Variants in CNTN5 observed in about 807,000 individuals in gnomAD.
The protein encoded by CNTN5 is contactin 5.
In CNTN5, 77 loss-of-function variants were observed where a neutral mutation model predicts 129.1. That is an observed-to-expected ratio of 0.60 (90% CI 0.50 to 0.72). The LOEUF (loss-of-function observed/expected upper bound fraction) is 0.72. Ranked by LOEUF, CNTN5 falls within the 30% of genes least tolerant of loss-of-function variation. CNTN5 has a pLI of 0.00. For missense variants in CNTN5, 1,478 were observed against 1,328.8 expected, an observed-to-expected ratio of 1.11 and a Z score of -1.75; for synonymous variants, 509 against 465.6, an observed-to-expected ratio of 1.09 and a Z score of -1.20.
intron 1 of CNTN5, among the ~76,000 whole-genome samples, chr11:99,266,961 A>T (rs927073084): frequency 6.6e-6 from 1 of 152,060 alleles, no homozygotes; most frequent in African/African-American, 2.4e-5. Flanking sequence ...CAGAAGGAAG[A>T]TTTAAAAGTT....
intron 3 of CNTN5, among the ~76,000 whole-genome samples, chr11:99,694,471 A>G (rs1040525895): frequency 1.3e-4 from 20 of 152,278 alleles, no homozygotes; most frequent in African/African-American, 4.8e-4. Flanking sequence ...GTCTTCAAGT[A>G]AGTGAGTAAC....
intron 21 of CNTN5, among the ~76,000 whole-genome samples, chr11:100,311,611 G>A (rs770350726): frequency 3.9e-5 from 6 of 151,986 alleles, no homozygotes; most frequent in Non-Finnish European, 8.8e-5. Context: ...TAAAGGAGAG[G>A]AGAGGGTCTG....
intron 3 of CNTN5, among the ~76,000 whole-genome samples, chr11:99,641,520 G>T (rs965313234): frequency 1.3e-5 from 2 of 152,134 alleles, no homozygotes; most frequent in Non-Finnish European, 2.9e-5. Context: ...TGTCCTGGAA[G>T]TTCACGGGTG....
intron 7 of CNTN5, among the ~76,000 whole-genome samples, chr11:99,952,470 C>G (rs1251592360): frequency 6.6e-6 from 1 of 152,030 alleles, no homozygotes; most frequent in Non-Finnish European, 1.5e-5. Context: ...AAAATTAATA[C>G]AAGCATATAG....
At chr11:99,304,904 T>C (rs1864805930) in intron 1 of CNTN5, among the ~76,000 whole-genome samples, 1 of 152,118 alleles carries the variant, frequency 6.6e-6, no homozygotes, top group African/African-American at 2.4e-5. Flanking sequence ...AATAAATAAG[T>C]AGATCAAGTG....
intron 2 of CNTN5, among the ~76,000 whole-genome samples, chr11:99,433,046 G>C (rs11219884): frequency 0.17 from 26,226 of 150,576 alleles, 2,586 homozygotes; most frequent in Admixed American, 0.23. Context: ...GGACTGTGTA[G>C]ATTGATGGCC....
At chr11:99,877,235 A>G (rs1294801980) in intron 6 of CNTN5, among the ~76,000 whole-genome samples, 4 of 152,208 alleles carry the variant, frequency 2.6e-5, no homozygotes, top group Non-Finnish European at 4.4e-5. Flanking sequence ...AACATGCTCC[A>G]GTTTTATGAA....
In CNTN5 at chr11:100,061,071, A is replaced by C; in HGVS notation, c.981-141A>C. On this transcript the variant is annotated intron_variant, in intron 9 of 24. Transcript: ENST00000524871. The stretch of plus-strand genomic sequence containing the variant: ...CCAGACAACCCACGTGGAAAGTGAA[A>C]TATATCAACCAGCACATGGTCCTTA... 5.1e-6 allele frequency: 3 copies of C among 584,180 alleles called. No homozygotes were observed. The East Asian group carries it at 8.5e-5, about 17-fold the overall frequency. 36.2% of individuals were successfully genotyped at this position (584,180 alleles called of 1,614,324 possible).
chr11:99,684,262 CTTTT>C (rs1460734111), intron 3 of CNTN5, among the ~76,000 whole-genome samples: 1 of 151,716 alleles, frequency 6.6e-6, no homozygotes, highest in Non-Finnish European at 1.5e-5. Flanking sequence ...TCTGTGAAAC[CTTTT>C]TCTAGGTATT....
At chr11:99,656,839 C>A (rs1299260454) in intron 3 of CNTN5, among the ~76,000 whole-genome samples, 1 of 152,010 alleles carries the variant, frequency 6.6e-6, no homozygotes, top group Non-Finnish European at 1.5e-5. Flanking sequence ...TGACTCTGTT[C>A]AGGGCCTCCA....
chr11:99,867,889 T>C (rs1341328289), intron 6 of CNTN5, among the ~76,000 whole-genome samples: 3 of 152,132 alleles, frequency 2.0e-5, no homozygotes, highest in Non-Finnish European at 4.4e-5. Context: ...GTGCCAGATA[T>C]GGTATACAAG....
intron 3 of CNTN5, among the ~76,000 whole-genome samples, chr11:99,780,054 A>G (rs1945258951): frequency 6.6e-6 from 1 of 152,036 alleles, no homozygotes; most frequent in Non-Finnish European, 1.5e-5. Context: ...GAGTCTGGAC[A>G]TGGATATTAT....
At chr11:99,275,855 A>G (rs1159112217) in intron 1 of CNTN5, among the ~76,000 whole-genome samples, 1 of 151,698 alleles carries the variant, frequency 6.6e-6, no homozygotes, top group Non-Finnish European at 1.5e-5. Flanking sequence ...ACATTTGACC[A>G]AAAAAGTTAC....
At chr11:100,310,489 T>C (rs574829372) in intron 21 of CNTN5, among the ~76,000 whole-genome samples, 1 of 151,964 alleles carries the variant, frequency 6.6e-6, no homozygotes, top group Non-Finnish European at 1.5e-5. Flanking sequence ...TAAATATTTA[T>C]GTAGACCTAT....
intron 1 of CNTN5, among the ~76,000 whole-genome samples, chr11:99,095,953 A>G (rs1866454183): frequency 6.6e-6 from 1 of 151,884 alleles, no homozygotes; most frequent in Admixed American, 6.6e-5. Context: ...GTTTAAGTGC[A>G]TTGGTTTTAA....
chr11:99,928,821 T>A (rs1219252961), intron 7 of CNTN5, among the ~76,000 whole-genome samples: 1 of 152,248 alleles, frequency 6.6e-6, no homozygotes, highest in East Asian at 1.9e-4. Context: ...GCAGCTGGCT[T>A]GAATTCCTCC....
intron 1 of CNTN5, among the ~76,000 whole-genome samples, chr11:99,227,461 C>G (rs1242921736): frequency 6.6e-6 from 1 of 151,806 alleles, no homozygotes; most frequent in Non-Finnish European, 1.5e-5. Flanking sequence ...AGAAACAAAG[C>G]TAAAAACTCT....
chr11:99,369,224 A>ATT (rs922414574), intron 2 of CNTN5, among the ~76,000 whole-genome samples: 2 of 146,232 alleles, frequency 1.4e-5, no homozygotes, highest in African/African-American at 5.0e-5. Context: ...TATAATATAT[A>ATT]TATATGTATT....
intron 3 of CNTN5, among the ~76,000 whole-genome samples, chr11:99,794,622 A>G (rs115624717): frequency 0.015 from 2,303 of 152,306 alleles, 46 homozygotes; most frequent in African/African-American, 0.053. Context: ...ATCTTTTGGT[A>G]ACAAATTTCC....
Sources: gnomAD v4.1 joint callset for allele counts (sites outside exome capture counted in the v4.1 genomes callset) on GRCh38, gnomAD v4.1.1 for gene constraint, MANE v1.5 for transcripts, NCBI Gene and HGNC (gene_info 2026-07-23, HGNC 2026-07-21) for gene names.